TAFA1: variants seen among roughly 807,000 people sequenced by gnomAD.
TAFA1 encodes TAFA chemokine like family member 1.
A neutral mutation model predicts 18.5 loss-of-function variants in TAFA1; 4 were observed. The observed-to-expected ratio is 0.22, with a 90% confidence interval of 0.11 to 0.49. The LOEUF (loss-of-function observed/expected upper bound fraction) is 0.49, where lower values mean the gene tolerates loss of function less well. TAFA1 is among the 20% of genes least tolerant of loss of function. TAFA1 has a pLI of 0.98. For missense variants in TAFA1, 147 were observed against 169.0 expected, an observed-to-expected ratio of 0.87 and a Z score of 0.72; for synonymous variants, 56 against 55.2, an observed-to-expected ratio of 1.01 and a Z score of -0.06.
rs569875178 is a variant in TAFA1, at chr3:68,155,240, G to A, written c.118+148496G>A. Among the ~76,000 whole-genome samples the A allele has an allele frequency of 1.2e-3, 184 of 152,280 alleles. 1 individual carries two copies. Among genetic ancestry groups the A allele is most frequent in the South Asian group, 0.012 (57 of 4,822 alleles). On this transcript the variant is annotated intron_variant, in intron 2 of 4. Coordinates refer to ENST00000478136, the MANE Select transcript of TAFA1 (RefSeq NM_213609.4). Reference sequence around the variant, plus strand: ...GGGTCAGTAGCCACTACATCACTCTGCAGTGCCTGATCAGTGGGGAAGCTA... The same window carrying A: ...GGGTCAGTAGCCACTACATCACTCTACAGTGCCTGATCAGTGGGGAAGCTA...
intron 3 of TAFA1, 182 bp downstream of exon 3, chr3:68,417,602 A>T: frequency 1.6e-6 from 1 of 611,652 alleles, no homozygotes. Context: ...TATTATTTGA[A>T]TGTTTTTTCC....
intron 2 of TAFA1, among the ~76,000 whole-genome samples, chr3:68,084,616 G>A (rs1055169516): frequency 2.0e-5 from 3 of 152,080 alleles, no homozygotes; most frequent in Non-Finnish European, 4.4e-5. Flanking sequence ...TGGCTAACAT[G>A]GTGAAACCCC....
intron 2 of TAFA1, among the ~76,000 whole-genome samples, chr3:68,167,497 G>C (rs545260192): frequency 1.3e-5 from 2 of 150,878 alleles, no homozygotes; most frequent in Non-Finnish European, 2.9e-5. Flanking sequence ...GAATGGCCTG[G>C]ACCTGGGAGG....
chr3:67,994,827 A>G, the TAFA1 span, among the ~76,000 whole-genome samples: 17 of 152,288 alleles, frequency 1.1e-4, no homozygotes, highest in South Asian at 1.5e-3. Context: ...CTTTGGCCCA[A>G]ACTGACTTTT....
intron 2 of TAFA1, among the ~76,000 whole-genome samples, chr3:68,396,128 A>G (rs965580728): frequency 6.6e-6 from 1 of 152,050 alleles, no homozygotes; most frequent in Non-Finnish European, 1.5e-5. Flanking sequence ...GATTTTGGTC[A>G]TTTGGTTTTT....
intron 2 of TAFA1, among the ~76,000 whole-genome samples, chr3:68,273,306 G>A (rs1055441339): frequency 2.0e-5 from 3 of 152,164 alleles, no homozygotes; most frequent in Non-Finnish European, 2.9e-5. Context: ...TTAGCAAGTC[G>A]GGGACAGTGG....
intron 2 of TAFA1, among the ~76,000 whole-genome samples, chr3:68,310,643 GA>G (rs1389820773): frequency 6.6e-6 from 1 of 151,976 alleles, no homozygotes; most frequent in Admixed American, 6.6e-5. Flanking sequence ...TAAATATAGT[GA>G]AAAAAGAAAT....
chr3:68,527,813 A>T (rs1243527774), intron 3 of TAFA1, among the ~76,000 whole-genome samples: 1 of 151,874 alleles, frequency 6.6e-6, no homozygotes, highest in African/African-American at 2.4e-5. Context: ...CCTTTAAAAA[A>T]AATCTACCGA....
intron 2 of TAFA1, among the ~76,000 whole-genome samples, chr3:68,334,944 G>C (rs72626981): frequency 1.0e-3 from 155 of 152,158 alleles, no homozygotes; most frequent in Non-Finnish European, 1.9e-3. Context: ...TAGTAGTCAC[G>C]AGAGCATACC....
intron 4 of TAFA1, among the ~76,000 whole-genome samples, chr3:68,540,910 AT>A (rs1201420064): frequency 1.3e-5 from 2 of 152,190 alleles, no homozygotes; most frequent in African/African-American, 2.4e-5. Flanking sequence ...CACCCTAGAC[AT>A]TTTCCAACAA....
intron 2 of TAFA1, among the ~76,000 whole-genome samples, chr3:68,037,584 A>T (rs1439495896): frequency 6.6e-6 from 1 of 152,248 alleles, no homozygotes; most frequent in African/African-American, 2.4e-5. Flanking sequence ...CCATTTTGGA[A>T]GAAATACAGT....
At chr3:68,395,348 G>T (rs749979013) in intron 2 of TAFA1, among the ~76,000 whole-genome samples, 1 of 152,162 alleles carries the variant, frequency 6.6e-6, no homozygotes, top group Non-Finnish European at 1.5e-5. Context: ...TGGTGAGAGT[G>T]TAAATTAGTT....
At chr3:68,016,137 T>C (rs769984398) in intron 2 of TAFA1, among the ~76,000 whole-genome samples, 6 of 152,148 alleles carry the variant, frequency 3.9e-5, no homozygotes, top group Admixed American at 6.5e-5. Flanking sequence ...GGGTTAACCC[T>C]GTAGTCTGTA....
chr3:68,251,480 G>A (rs574790552), intron 2 of TAFA1, among the ~76,000 whole-genome samples: 1 of 152,176 alleles, frequency 6.6e-6, no homozygotes, highest in Non-Finnish European at 1.5e-5. Context: ...AACAGCCTAG[G>A]TGCTATGGAT....
At chr3:68,443,933 C>T (rs2071431407) in intron 3 of TAFA1, among the ~76,000 whole-genome samples, 2 of 152,154 alleles carry the variant, frequency 1.3e-5, no homozygotes, top group South Asian at 4.1e-4. Context: ...TTTAAAACTC[C>T]CTTTCAGAGA....
chr3:68,129,632 A>G (rs761254978), intron 2 of TAFA1, among the ~76,000 whole-genome samples: 2 of 152,202 alleles, frequency 1.3e-5, no homozygotes, highest in Non-Finnish European at 2.9e-5. Flanking sequence ...ATGGATAATT[A>G]TACGTTACAT....
intron 2 of TAFA1, among the ~76,000 whole-genome samples, chr3:68,206,253 A>G (rs1457546671): frequency 2.6e-5 from 4 of 151,902 alleles, no homozygotes; most frequent in African/African-American, 9.7e-5. Context: ...CTTCTATATC[A>G]ATGTAGACAA....
intron 3 of TAFA1, among the ~76,000 whole-genome samples, chr3:68,436,722 G>A (rs2071273788): frequency 6.6e-6 from 1 of 152,264 alleles, no homozygotes; most frequent in East Asian, 1.9e-4. Context: ...GAACCCAAAT[G>A]TGGAACCAAC....
chr3:68,075,935 A>G (rs991292192), intron 2 of TAFA1, among the ~76,000 whole-genome samples: 12 of 152,138 alleles, frequency 7.9e-5, no homozygotes, highest in African/African-American at 2.9e-4. Flanking sequence ...GGGCTCAAGC[A>G]ATCCTGCTGC....
Sources: gnomAD v4.1 joint callset for allele counts (sites outside exome capture counted in the v4.1 genomes callset) on GRCh38, gnomAD v4.1.1 for gene constraint, MANE v1.5 for transcripts, NCBI Gene and HGNC (gene_info 2026-07-23, HGNC 2026-07-21) for gene names.